NT5C2: variants seen among roughly 807,000 people sequenced by gnomAD.
NT5C2 encodes 5'-nucleotidase, cytosolic II.
NT5C2 carries 58 observed loss-of-function variants against 76.1 expected under a neutral mutation model. The observed-to-expected ratio is 0.76, with a 90% CI of 0.62 to 0.95. The LOEUF is 0.95. Among genes scored for constraint, NT5C2 ranks in the 40% least tolerant of loss-of-function variants. The probability of loss-of-function intolerance (pLI) is 0.00; values close to 1 mark genes in which losing one functional copy is unlikely to be tolerated. For missense variants in NT5C2, 478 were observed against 690.3 expected (o/e 0.69, Z 3.45); for synonymous variants, 229 against 237.4 (o/e 0.96, Z 0.32).
intron 4 of NT5C2, among the ~76,000 whole-genome samples, chr10:103,131,008 A>G (rs1462817796): frequency 6.6e-6 from 1 of 152,216 alleles, no homozygotes; most frequent in Admixed American, 6.5e-5. Context: ...AACAAGAAAA[A>G]AGAACTTTGA....
intron 10 of NT5C2, 167 bp downstream of exon 10, chr10:103,098,764 C>T: frequency 3.4e-6 from 2 of 580,712 alleles, no homozygotes; most frequent in Non-Finnish European, 6.1e-6. Context: ...AAAAACTCTA[C>T]TAAGACCTAT....
chr10:103,187,343 A>C (rs1300442129), intron 1 of NT5C2, among the ~76,000 whole-genome samples: 1 of 152,078 alleles, frequency 6.6e-6, no homozygotes, highest in Non-Finnish European at 1.5e-5. Context: ...CAGGAGTTCA[A>C]GACCAGCTTG....
At chr10:103,148,955 G>T (rs2081975838) in intron 3 of NT5C2, among the ~76,000 whole-genome samples, 1 of 152,130 alleles carries the variant, frequency 6.6e-6, no homozygotes, top group South Asian at 2.1e-4. Flanking sequence ...ATAATATGAG[G>T]ATAAGGGAGA....
chr10:103,167,020 CT>C (rs756464168), intron 3 of NT5C2, among the ~76,000 whole-genome samples: 126 of 142,618 alleles, frequency 8.8e-4, no homozygotes, highest in Middle Eastern at 4.0e-3. Flanking sequence ...TATTATTTTT[CT>C]TTTTTTTTTT....
Position 103,094,448 on chromosome 10 carries a change from C to T in NT5C2, c.821G>A (p.Ser274Asn). The T allele has an allele frequency of 6.2e-7, 1 of 1,606,576 alleles. No homozygotes were observed. The highest frequency in any genetic ancestry group is 8.5e-7 in the Non-Finnish European group (1 of 1,173,356). ...FDFPHGPKPG[S>N]SHRPWQSYFD... ...GTAGGACTGCCATGGTCGATGGGAG[C>T]TCCCAGGCTGGTGAAGGAGAAACAG... is the stretch of plus-strand genomic sequence containing the variant. Residue 274 changes from serine (S) to asparagine (N), a missense_variant, in exon 13 of 19, where the codon AGC (serine) becomes AAC (asparagine). Ser to Asn is a conservative substitution (Grantham distance 46). Transcript: ENST00000404739.
chr10:103,143,618 T>G (rs1377810291), intron 3 of NT5C2, among the ~76,000 whole-genome samples: 9 of 140,708 alleles, frequency 6.4e-5, no homozygotes, highest in Admixed American at 3.6e-4. Flanking sequence ...TTTTTTTTTT[T>G]TTTTTTTTTT....
intron 3 of NT5C2, among the ~76,000 whole-genome samples, chr10:103,157,106 AATG>A (rs1398671587): frequency 6.7e-6 from 1 of 149,358 alleles, no homozygotes; most frequent in East Asian, 1.9e-4. Context: ...TGTATTATGA[AATG>A]TTGTATTATG....
intron 1 of NT5C2, among the ~76,000 whole-genome samples, chr10:103,181,738 C>T (rs1367182712): frequency 1.3e-5 from 2 of 152,166 alleles, no homozygotes; most frequent in Non-Finnish European, 2.9e-5. Context: ...GGCGTGGTGG[C>T]TCACGCCTGT....
At position 103,093,826 on chromosome 10, in the gene NT5C2, A is replaced by G. The variant is rs1590668222; in HGVS notation, c.988+146T>C. Reference sequence around the variant, plus strand: ...CTGCTCAAACCCAGACTCCTATTGCATTAAGAGGTGACTAAACTATTTACC... The same window carrying G: ...CTGCTCAAACCCAGACTCCTATTGCGTTAAGAGGTGACTAAACTATTTACC... On this transcript the variant is annotated intron_variant, in intron 14 of 18. Coordinates refer to ENST00000404739, the MANE Select transcript of NT5C2 (RefSeq NM_001351169.2). The G allele has an allele frequency of 8.0e-6, 5 of 622,052 alleles. No individual in the cohort carries two copies. In the East Asian group the frequency reaches 1.4e-4, roughly 17 times the overall value. The allele number at this position is 622,052 out of a possible 1,614,324, so 38.5% of individuals were successfully genotyped here.
In NT5C2 at chr10:103,089,164, T is replaced by G. The variant is rs2134430167; in HGVS notation, c.*508A>C. Reference sequence around the variant, plus strand: ...AGTCACTGAGGATGAATTAAAGGCTTATAAAAGAAAACTTGACCTTAACAG... The same window carrying G: ...AGTCACTGAGGATGAATTAAAGGCTGATAAAAGAAAACTTGACCTTAACAG... On this transcript the variant is annotated 3_prime_UTR_variant, in exon 19 of 19. Coordinates refer to ENST00000404739, the MANE Select transcript of NT5C2 (RefSeq NM_001351169.2). 1 of 226,250 alleles carries G rather than the reference T, an allele frequency of 4.4e-6. No homozygotes were observed. The highest frequency in any genetic ancestry group is 6.4e-5 in the East Asian group (1 of 15,606). 14.0% of individuals were successfully genotyped at this position (226,250 alleles called of 1,614,324 possible).
intron 3 of NT5C2, among the ~76,000 whole-genome samples, chr10:103,151,717 A>G (rs2082436322): frequency 1.3e-5 from 2 of 152,196 alleles, no homozygotes; most frequent in African/African-American, 2.4e-5. Context: ...CTATCAAATG[A>G]TAACACGGTA....
At chr10:103,143,054 G>A (rs1804038521) in intron 3 of NT5C2, among the ~76,000 whole-genome samples, 1 of 151,526 alleles carries the variant, frequency 6.6e-6, no homozygotes, top group Admixed American at 6.6e-5. Flanking sequence ...AAAGGGAAAA[G>A]ACAGAAAATA....
chr10:103,156,296 T>C (rs1344064032), intron 3 of NT5C2, among the ~76,000 whole-genome samples: 1 of 152,206 alleles, frequency 6.6e-6, no homozygotes, highest in African/African-American at 2.4e-5. Context: ...GGCCAGAGTC[T>C]AGAAATAATT....
At chr10:103,161,352 AT>A (rs1389622969) in intron 3 of NT5C2, among the ~76,000 whole-genome samples, 4 of 151,598 alleles carry the variant, frequency 2.6e-5, no homozygotes, top group Admixed American at 1.3e-4. Flanking sequence ...TAATTTATGT[AT>A]TTTCTGTAGA....
chr10:103,107,567 G>C (rs1314557968), intron 4 of NT5C2, among the ~76,000 whole-genome samples: 1 of 151,946 alleles, frequency 6.6e-6, no homozygotes, highest in Non-Finnish European at 1.5e-5. Context: ...GTCCCAGCTA[G>C]GAGGCTGAGG....
chr10:103,117,381 C>T (rs768401427), intron 4 of NT5C2, among the ~76,000 whole-genome samples: 4 of 152,208 alleles, frequency 2.6e-5, no homozygotes. Context: ...CGTGATGGCT[C>T]ACACTTAACA....
intron 4 of NT5C2, among the ~76,000 whole-genome samples, chr10:103,114,639 A>G (rs1321650319): frequency 6.6e-6 from 1 of 152,242 alleles, no homozygotes; most frequent in Non-Finnish European, 1.5e-5. Context: ...AATAGAATTT[A>G]GGTACTTAAT....
intron 1 of NT5C2, among the ~76,000 whole-genome samples, chr10:103,190,527 A>G (rs561736082): frequency 5.3e-5 from 8 of 152,184 alleles, no homozygotes; most frequent in Non-Finnish European, 1.2e-4. Context: ...CTTCAACTGA[A>G]TTATTCTATT....
rs374522847 is a variant in NT5C2 at position 103,094,345 on chromosome 10, T to C, written c.921+3A>G. 6.5e-7 allele frequency: 1 copy of C among 1,542,988 alleles called. No individual in the cohort carries two copies. The highest frequency in any genetic ancestry group is 9.0e-7 in the Non-Finnish European group (1 of 1,115,160). On this transcript the variant is annotated splice_donor_region_variant and intron_variant, in intron 13 of 18. Coordinates refer to ENST00000404739, the MANE Select transcript of NT5C2 (RefSeq NM_001351169.2). ...AGCAAGACAGATCATTCTCATGACT[T>C]ACAGTATCCACCTGACGCAGTACTG...
Sources: gnomAD v4.1 joint callset for allele counts (sites outside exome capture counted in the v4.1 genomes callset) on GRCh38, gnomAD v4.1.1 for gene constraint, MANE v1.5 for transcripts, NCBI Gene and HGNC (gene_info 2026-07-23, HGNC 2026-07-21) for gene names.